OSBPL6: variants seen among roughly 807,000 people sequenced by gnomAD.
OSBPL6 encodes oxysterol binding protein like 6.
Under a neutral mutation model 125.8 loss-of-function variants are expected in OSBPL6, and 49 were observed. The observed-to-expected ratio is 0.39, with a 90% CI of 0.31 to 0.49. The LOEUF (loss-of-function observed/expected upper bound fraction) is 0.49, where lower values mean the gene tolerates loss of function less well. Ranked by LOEUF, OSBPL6 falls within the 20% of genes least tolerant of loss-of-function variation. The pLI, the probability that OSBPL6 is intolerant of heterozygous loss-of-function variation, is 0.88. For missense variants in OSBPL6, 986 were observed against 1,135.4 expected, an observed-to-expected ratio of 0.87 and a Z score of 1.89; for synonymous variants, 394 against 391.8, an observed-to-expected ratio of 1.01 and a Z score of -0.07.
chr2:178,336,788 G>C (rs1438409637), intron 9 of OSBPL6, among the ~76,000 whole-genome samples: 1 of 152,088 alleles, frequency 6.6e-6, no homozygotes, highest in African/African-American at 2.4e-5. Flanking sequence ...AACCCCCAAG[G>C]AGAGCCTACT....
At chr2:178,247,057 C>T (rs1195674762) in intron 1 of OSBPL6, among the ~76,000 whole-genome samples, 1 of 143,988 alleles carries the variant, frequency 6.9e-6, no homozygotes, top group African/African-American at 2.6e-5. Context: ...CACCATTTCC[C>T]AAATGCCTTA....
chr2:178,320,014 C>A (rs1688097178), intron 3 of OSBPL6, among the ~76,000 whole-genome samples: 1 of 152,138 alleles, frequency 6.6e-6, no homozygotes, highest in Admixed American at 6.5e-5. Context: ...AAATTTGTAG[C>A]CTCAGTCTAA....
chr2:178,385,485 T>G lies in OSBPL6; in HGVS notation c.2041T>G (p.Cys681Gly). The G allele has an allele frequency of 6.2e-7, 1 of 1,611,832 alleles. No individual in the cohort carries two copies. The highest frequency in any genetic ancestry group is 1.1e-5 in the South Asian group (1 of 91,000). Residue 681 changes from cysteine to glycine, a missense_variant, in exon 19 of 25, where the codon TGT (cysteine) becomes GGT (glycine). Physicochemically the swap from Cys to Gly is radical, Grantham distance 159. Transcript: ENST00000190611. ...TAGCCATCATCCACCCATTTCTGCCTGTCACTGTGAATCAAAGAATTTTGT... is the reference window on the plus strand; with the variant it reads ...TAGCCATCATCCACCCATTTCTGCCGGTCACTGTGAATCAAAGAATTTTGT... ...QVSHHPPISACHCESKNFVFW... is the reference protein window; with the variant it reads ...QVSHHPPISAGHCESKNFVFW...
chr2:178,305,106 G>A (rs1025159736), intron 2 of OSBPL6, among the ~76,000 whole-genome samples: 1 of 152,156 alleles, frequency 6.6e-6, no homozygotes, highest in Non-Finnish European at 1.5e-5. Context: ...GTGTTCTGGT[G>A]TTCTGTACTT....
rs545981268 is a variant in OSBPL6, at chr2:178,368,912, T to A, written c.1288-3214T>A. Among the ~76,000 whole-genome samples, 65 of 151,960 alleles carry A rather than the reference T, an allele frequency of 4.3e-4. No homozygotes were observed. The Middle Eastern group carries it at 0.01, about 24-fold the overall frequency. The stretch of plus-strand genomic sequence containing the variant: ...CTCGAGTTAAAGTGATTCTCCTACC[T>A]CAGCCTCCTGAGTAGCTGGGACTAT... On this transcript the variant is annotated intron_variant, in intron 13 of 24. Transcript: ENST00000190611.
At chr2:178,382,138 T>A (rs987074526) in intron 15 of OSBPL6, among the ~76,000 whole-genome samples, 2 of 152,184 alleles carry the variant, frequency 1.3e-5, no homozygotes, top group Non-Finnish European at 2.9e-5. Flanking sequence ...ACCTGAAACA[T>A]TCTTAGTGTA....
chr2:178,354,036 T>C (rs1279918983), intron 12 of OSBPL6, among the ~76,000 whole-genome samples: 3 of 152,182 alleles, frequency 2.0e-5, no homozygotes, highest in Admixed American at 2.0e-4. Flanking sequence ...AAGCAAATGC[T>C]GGGAGATTTT....
At chr2:178,361,361 T>G (rs10201196) in intron 12 of OSBPL6, among the ~76,000 whole-genome samples, 3,533 of 152,368 alleles carry the variant, frequency 0.023, 137 homozygotes, top group African/African-American at 0.081. Flanking sequence ...TGTTCCCTAT[T>G]CTTTCTAGGG....
chr2:178,229,261 G>A (rs767114054), intron 1 of OSBPL6, among the ~76,000 whole-genome samples: 4 of 152,062 alleles, frequency 2.6e-5, no homozygotes, highest in Non-Finnish European at 4.4e-5. Flanking sequence ...TTTCCAACAC[G>A]TGAATTCTGG....
At position 178,398,366 on chromosome 2, in the gene OSBPL6, C is replaced by G. The variant is rs1415408489; in HGVS notation, c.*2807C>G. On this transcript the variant is annotated 3_prime_UTR_variant, in exon 25 of 25. Coordinates refer to ENST00000190611, the MANE Select transcript of OSBPL6 (RefSeq NM_032523.4). ...ATGGTTTATTCATAAGCTGCTTCAT[C>G]TCATTGGAGATGGTCATTGAGGAGA... The G allele has an allele frequency of 6.6e-6, 1 of 152,140 alleles. No homozygotes were observed. Among genetic ancestry groups the G allele is most frequent in the Admixed American group, 6.5e-5 (1 of 15,284 alleles). 9.4% of individuals were successfully genotyped at this position (152,140 alleles called of 1,614,324 possible).
intron 5 of OSBPL6, 63 bp downstream of exon 5, chr2:178,328,441 A>C: frequency 1.9e-6 from 3 of 1,574,820 alleles, no homozygotes; most frequent in East Asian, 2.3e-5. Flanking sequence ...CTTATTTGCT[A>C]TCATGGGGTG....
chr2:178,218,222 G>T (rs999586373), intron 1 of OSBPL6, among the ~76,000 whole-genome samples: 1 of 152,108 alleles, frequency 6.6e-6, no homozygotes, highest in Non-Finnish European at 1.5e-5. Flanking sequence ...AGGTTGGAAG[G>T]TGTTAAAGAT....
intron 2 of OSBPL6, among the ~76,000 whole-genome samples, chr2:178,297,090 C>G (rs564884227): frequency 1.3e-5 from 2 of 152,270 alleles, no homozygotes; most frequent in South Asian, 4.1e-4. Flanking sequence ...ATTAATGCTA[C>G]TGCATCTATT....
chr2:178,281,064 G>T (rs1477455824), intron 1 of OSBPL6, among the ~76,000 whole-genome samples: 1 of 150,448 alleles, frequency 6.6e-6, no homozygotes, highest in Non-Finnish European at 1.5e-5. Flanking sequence ...GCCCAGGTTG[G>T]AGTGCAATGG....
At chr2:178,286,565 A>C (rs2154035888) in intron 2 of OSBPL6, among the ~76,000 whole-genome samples, 1 of 152,352 alleles carries the variant, frequency 6.6e-6, no homozygotes, top group Middle Eastern at 3.4e-3. Context: ...AAGATGTTTC[A>C]GGCCATGGGC....
chr2:178,364,321 G>A (rs758516322), intron 13 of OSBPL6, among the ~76,000 whole-genome samples: 10 of 152,184 alleles, frequency 6.6e-5, no homozygotes, highest in Non-Finnish European at 1.2e-4. Flanking sequence ...AACTATTACA[G>A]CATATTTCTG....
intron 3 of OSBPL6, among the ~76,000 whole-genome samples, chr2:178,314,314 G>A (rs1159380119): frequency 6.6e-6 from 1 of 152,212 alleles, no homozygotes; most frequent in East Asian, 1.9e-4. Context: ...CCAGTAAGGA[G>A]GAATATAACC....
intron 13 of OSBPL6, among the ~76,000 whole-genome samples, chr2:178,364,907 C>T (rs1057350952): frequency 5.9e-5 from 9 of 152,244 alleles, no homozygotes; most frequent in African/African-American, 9.6e-5. Flanking sequence ...GCTGGCCGGG[C>T]GCGGTGGCTC....
chr2:178,224,989 T>TTA (rs1553522136), intron 1 of OSBPL6, among the ~76,000 whole-genome samples: 14 of 100,934 alleles, frequency 1.4e-4, no homozygotes, highest in Admixed American at 8.4e-4. Flanking sequence ...CTCTCTCTGC[T>TTA]TCTCTCTCTC....
Sources: gnomAD v4.1 joint callset for allele counts (sites outside exome capture counted in the v4.1 genomes callset) on GRCh38, gnomAD v4.1.1 for gene constraint, MANE v1.5 for transcripts, NCBI Gene and HGNC (gene_info 2026-07-23, HGNC 2026-07-21) for gene names.